Variants in KIAA1217 observed in about 807,000 individuals in gnomAD.
The protein encoded by KIAA1217 is sickle tail protein homolog.
Under a neutral mutation model 163.9 loss-of-function variants are expected in KIAA1217, and 88 were observed. The ratio of observed to expected loss-of-function variants is 0.54; its 90% CI spans 0.45 to 0.64. The LOEUF (loss-of-function observed/expected upper bound fraction) is 0.64, where lower values mean the gene tolerates loss of function less well. Ranked by LOEUF, KIAA1217 falls within the 30% of genes least tolerant of loss-of-function variation. KIAA1217 has a pLI of 0.00. For missense variants in KIAA1217, 2,372 were observed against 2,475.0 expected (o/e 0.96, Z 0.88); for synonymous variants, 903 against 923.1 (o/e 0.98, Z 0.39).
At chr10:23,705,775 AG>A (rs1241321601) in intron 1 of KIAA1217, among the ~76,000 whole-genome samples, 1 of 152,174 alleles carries the variant, frequency 6.6e-6, no homozygotes, top group African/African-American at 2.4e-5. Context: ...TCTGTGAAAA[AG>A]AAAAAAATAA....
intron 1 of KIAA1217, among the ~76,000 whole-genome samples, chr10:23,945,973 T>C (rs2131344324): frequency 6.6e-6 from 1 of 152,312 alleles, no homozygotes; most frequent in African/African-American, 2.4e-5. Context: ...ACTATTTGAC[T>C]GTAGAGCTTA....
intron 1 of KIAA1217, among the ~76,000 whole-genome samples, chr10:23,825,005 A>G (rs1309988862): frequency 1.3e-5 from 2 of 152,096 alleles, no homozygotes; most frequent in Non-Finnish European, 2.9e-5. Flanking sequence ...TTAAGATGTT[A>G]TCGGGAACAT....
chr10:24,523,467 T>C (rs530108394), intron 12 of KIAA1217, among the ~76,000 whole-genome samples: 19 of 152,258 alleles, frequency 1.2e-4, no homozygotes, highest in African/African-American at 4.3e-4. Context: ...AGAAGAGTTA[T>C]AGAATGCAAT....
At chr10:23,758,606 CT>C (rs924072516) in intron 1 of KIAA1217, among the ~76,000 whole-genome samples, 159 of 145,420 alleles carry the variant, frequency 1.1e-3, no homozygotes, top group Non-Finnish European at 2.0e-3. Context: ...CTTTTCTTTT[CT>C]CTTTCTTTCT....
At chr10:23,883,701 T>C (rs1841050848) in intron 1 of KIAA1217, among the ~76,000 whole-genome samples, 1 of 151,924 alleles carries the variant, frequency 6.6e-6, no homozygotes, top group Non-Finnish European at 1.5e-5. Flanking sequence ...AATAAATGTA[T>C]AATGACATGT....
chr10:24,007,587 G>T (rs1001829887), intron 2 of KIAA1217, among the ~76,000 whole-genome samples: 2 of 152,150 alleles, frequency 1.3e-5, no homozygotes, highest in Non-Finnish European at 2.9e-5. Context: ...TTCTTCCTTT[G>T]GTGTTGCGGA....
At chr10:24,508,911 G>A (rs780712697) in intron 9 of KIAA1217, among the ~76,000 whole-genome samples, 21 of 152,154 alleles carry the variant, frequency 1.4e-4, no homozygotes, top group Non-Finnish European at 2.4e-4. Flanking sequence ...GGGATTGATT[G>A]TAAAAGGTCT....
chr10:23,862,959 C>T (rs1360394307), intron 1 of KIAA1217, among the ~76,000 whole-genome samples: 1 of 152,154 alleles, frequency 6.6e-6, no homozygotes, highest in Admixed American at 6.6e-5. Flanking sequence ...GAGGTTGCCT[C>T]CAAATTACCA....
At chr10:23,973,850 C>A (rs561973664) in intron 1 of KIAA1217, among the ~76,000 whole-genome samples, 35 of 151,498 alleles carry the variant, frequency 2.3e-4, no homozygotes, top group Non-Finnish European at 4.6e-4. Context: ...AAAAAAAAAA[C>A]CCTCTCATTT....
intron 3 of KIAA1217, among the ~76,000 whole-genome samples, chr10:24,416,780 G>C (rs1021849613): frequency 3.3e-5 from 5 of 151,950 alleles, no homozygotes; most frequent in African/African-American, 7.3e-5. Context: ...TTGCAAGGAG[G>C]CTCAGGCACA....
chr10:23,898,232 A>G (rs116688761), intron 1 of KIAA1217, among the ~76,000 whole-genome samples: 5,180 of 151,932 alleles, frequency 0.034, 118 homozygotes, highest in Middle Eastern at 0.12. Context: ...CATCATATTG[A>G]TCTCAATTCT....
rs147510966 is a variant in KIAA1217 at position 24,287,297 on chromosome 10, C to A, written c.354+67388C>A. 9.5e-3 allele frequency among the ~76,000 whole-genome samples: 1,439 copies of A among 152,258 alleles called. 26 individuals carry two copies. The highest frequency in any genetic ancestry group is 0.083 in the East Asian group (429 of 5,164). On this transcript the variant is annotated intron_variant, in intron 2 of 20. Transcript: ENST00000376454. ...AACTCCTGACCTCAAGTGATCCACC[C>A]GCCTCGGCCTCCCAAAGTGCTGGGG...
intron 3 of KIAA1217, among the ~76,000 whole-genome samples, chr10:24,397,107 T>TG (rs1486338352): frequency 7.2e-6 from 1 of 139,542 alleles, no homozygotes; most frequent in African/African-American, 2.8e-5. Flanking sequence ...TGTAAGAAAC[T>TG]CTTTTTTTTT....
At chr10:23,851,731 T>A (rs1234921310) in intron 1 of KIAA1217, among the ~76,000 whole-genome samples, 2 of 152,204 alleles carry the variant, frequency 1.3e-5, no homozygotes, top group African/African-American at 4.8e-5. Context: ...GGTATCTCAT[T>A]GTGGTTTTGA....
At chr10:23,938,261 G>A (rs911319814) in intron 1 of KIAA1217, among the ~76,000 whole-genome samples, 6 of 152,140 alleles carry the variant, frequency 3.9e-5, no homozygotes, top group Non-Finnish European at 7.4e-5. Context: ...AGAGTGCTTC[G>A]ATGGGTATTG....
intron 1 of KIAA1217, among the ~76,000 whole-genome samples, chr10:23,757,681 C>A (rs755694381): frequency 6.6e-6 from 1 of 152,036 alleles, no homozygotes; most frequent in African/African-American, 2.4e-5. Context: ...CCACACCTGG[C>A]TAATTTTTCT....
At chr10:24,009,057 A>G (rs1042632471) in intron 2 of KIAA1217, among the ~76,000 whole-genome samples, 2 of 152,220 alleles carry the variant, frequency 1.3e-5, no homozygotes, top group Admixed American at 6.5e-5. Context: ...TGGCAAAAGC[A>G]CTAATCATTC....
intron 2 of KIAA1217, among the ~76,000 whole-genome samples, chr10:24,107,316 A>C (rs1472939068): frequency 6.6e-6 from 1 of 152,124 alleles, no homozygotes; most frequent in Non-Finnish European, 1.5e-5. Context: ...CCATGTCTTC[A>C]CTATTGTGAA....
rs1246116033 is a variant in KIAA1217, at chr10:24,250,613, TG to T, written c.354+30705del. On this transcript the variant is annotated intron_variant, in intron 2 of 20. Coordinates refer to ENST00000376454, the MANE Select transcript of KIAA1217 (RefSeq NM_019590.5). The stretch of plus-strand genomic sequence containing the variant: ...ACGCCTTGCTAATTTTTTTTTTTTT[TG>T]TATTGTTAATAGAGACGGAGTTTCG... Among the ~76,000 whole-genome samples the T allele has an allele frequency of 4.9e-3, 147 of 29,910 alleles. 26 individuals carry two copies. Among genetic ancestry groups the T allele is most frequent in the African/African-American group, 0.013 (79 of 6,090 alleles). The allele number at this position is 29,910 out of a possible 152,430, so 19.6% of individuals were successfully genotyped here. A position where few individuals can be genotyped will look rare whatever the true frequency, so the allele number is the denominator to read the frequency against.
Sources: gnomAD v4.1 joint callset for allele counts (sites outside exome capture counted in the v4.1 genomes callset) on GRCh38, gnomAD v4.1.1 for gene constraint, MANE v1.5 for transcripts, NCBI Gene and HGNC (gene_info 2026-07-23, HGNC 2026-07-21) for gene names.